TUSC3: variants seen among roughly 807,000 people sequenced by gnomAD.
The protein encoded by TUSC3 is tumor suppressor candidate 3.
A neutral mutation model predicts 44.8 loss-of-function variants in TUSC3; 45 were observed. The observed-to-expected ratio is 1.00, with a 90% confidence interval of 0.79 to 1.29. The LOEUF is 1.29. TUSC3 is among the 50% of genes most tolerant of loss of function. The pLI is 0.00. For missense variants in TUSC3, 519 were observed against 437.9 expected (o/e 1.19, Z -1.65); for synonymous variants, 212 against 152.9 (o/e 1.39, Z -2.85).
chr8:15,466,834 A>G (rs1257511731), intron 1 of TUSC3, among the ~76,000 whole-genome samples: 2 of 152,122 alleles, frequency 1.3e-5, no homozygotes, highest in Admixed American at 1.3e-4. Flanking sequence ...GATGGAGAGT[A>G]TGATTGTCAG....
chr8:15,588,750 A>C (rs1278458060), intron 1 of TUSC3, among the ~76,000 whole-genome samples: 1 of 152,122 alleles, frequency 6.6e-6, no homozygotes, highest in Non-Finnish European at 1.5e-5. Flanking sequence ...GACAGGGTCC[A>C]GTTCACTTTC....
intron 2 of TUSC3, among the ~76,000 whole-genome samples, chr8:15,501,865 A>T (rs1029265445): frequency 6.6e-6 from 1 of 152,228 alleles, no homozygotes; most frequent in Non-Finnish European, 1.5e-5. Context: ...ATTGTATTTG[A>T]AAAAGTATTT....
chr8:15,575,403 T>G (rs942319615), intron 1 of TUSC3, among the ~76,000 whole-genome samples: 1 of 152,180 alleles, frequency 6.6e-6, no homozygotes, highest in African/African-American at 2.4e-5. Context: ...AATATTAAAC[T>G]AAATATCTAA....
At chr8:15,725,522 C>G (rs1178791917) in intron 6 of TUSC3, among the ~76,000 whole-genome samples, 2 of 152,068 alleles carry the variant, frequency 1.3e-5, no homozygotes, top group African/African-American at 2.4e-5. Context: ...TGGGCATCAA[C>G]CAGTGGAGAT....
At chr8:15,607,634 C>T (rs1038292672) in intron 1 of TUSC3, among the ~76,000 whole-genome samples, 2 of 152,114 alleles carry the variant, frequency 1.3e-5, no homozygotes, top group East Asian at 3.9e-4. Flanking sequence ...CTAGATTCCA[C>T]AATTAACAAT....
intron 6 of TUSC3, among the ~76,000 whole-genome samples, chr8:15,685,410 C>G (rs573275987): frequency 4.6e-4 from 70 of 152,114 alleles, no homozygotes; most frequent in African/African-American, 1.7e-3. Context: ...AATCTTTATT[C>G]AGAGTGTGAT....
At chr8:15,470,568 C>A (rs1488744806) in intron 1 of TUSC3, among the ~76,000 whole-genome samples, 1 of 152,094 alleles carries the variant, frequency 6.6e-6, no homozygotes, top group South Asian at 2.1e-4. Flanking sequence ...TATGGGAATT[C>A]TTGTACTTTC....
chr8:15,838,108 C>G, the TUSC3 span, among the ~76,000 whole-genome samples: 1 of 152,148 alleles, frequency 6.6e-6, no homozygotes, highest in Non-Finnish European at 1.5e-5. Flanking sequence ...AATAGACCAC[C>G]TCCTGCGAAT....
At chr8:15,612,865 A>G (rs1446627994) in intron 1 of TUSC3, among the ~76,000 whole-genome samples, 1 of 152,018 alleles carries the variant, frequency 6.6e-6, no homozygotes, top group Non-Finnish European at 1.5e-5. Flanking sequence ...GACAAAGCCA[A>G]CCGATCACCC....
intron 7 of TUSC3, among the ~76,000 whole-genome samples, chr8:15,740,698 T>G (rs2129213028): frequency 6.6e-6 from 1 of 152,300 alleles, no homozygotes. Context: ...GAACTAACAT[T>G]GCTCATTTTA....
At chr8:15,540,619 G>C (rs750000442) in intron 1 of TUSC3, 51 bp downstream of exon 1, 1 of 1,487,150 alleles carries the variant, frequency 6.7e-7, no homozygotes, top group Non-Finnish European at 9.0e-7. Flanking sequence ...GGGCCAGGGT[G>C]GGCCGCGTTG....
chr8:15,556,007 T>G, intron 1 of TUSC3, among the ~76,000 whole-genome samples: 1 of 151,220 alleles, frequency 6.6e-6, no homozygotes, highest in East Asian at 2.0e-4. Flanking sequence ...TTTTATTTTT[T>G]ATTTTTTTTT....
At chr8:15,569,102 A>T (rs962031870) in intron 1 of TUSC3, among the ~76,000 whole-genome samples, 1 of 152,162 alleles carries the variant, frequency 6.6e-6, no homozygotes, top group African/African-American at 2.4e-5. Flanking sequence ...AATCAGTAAC[A>T]GTTTCCTTTA....
chr8:15,596,432 A>G (rs1284989226), intron 1 of TUSC3, among the ~76,000 whole-genome samples: 1 of 152,080 alleles, frequency 6.6e-6, no homozygotes, highest in East Asian at 1.9e-4. Context: ...TGGATGCAAA[A>G]CCTTTGCATA....
intron 2 of TUSC3, among the ~76,000 whole-genome samples, chr8:15,528,934 C>T (rs189398254): frequency 1.3e-4 from 20 of 152,228 alleles, no homozygotes; most frequent in African/African-American, 4.6e-4. Flanking sequence ...CAATAATGAC[C>T]TTTACCTTAC....
rs929891103 is a variant in TUSC3 at position 15,542,417 on chromosome 8, A to G, written c.138+1849A>G. Among the ~76,000 whole-genome samples, 13 of 152,014 alleles carry G rather than the reference A, an allele frequency of 8.6e-5. No individual in the cohort carries two copies. In the South Asian group the frequency reaches 2.1e-3, roughly 24 times the overall value. ...AGAATTCCAAGAAGAAGGAGGGTATAATGAGCATGTCTGGCTCACTTTTCC... is the reference window on the plus strand; with the variant it reads ...AGAATTCCAAGAAGAAGGAGGGTATGATGAGCATGTCTGGCTCACTTTTCC... On this transcript the variant is annotated intron_variant, in intron 1 of 10. Transcript: ENST00000503731.
intron 2 of TUSC3, among the ~76,000 whole-genome samples, chr8:15,494,320 CTT>C (rs71211045): frequency 2.2e-5 from 3 of 136,564 alleles, no homozygotes; most frequent in Admixed American, 1.5e-4. Context: ...CTCTCATCTT[CTT>C]TTTTTTTTTT....
chr8:15,633,180 T>A (rs745402965), intron 2 of TUSC3, among the ~76,000 whole-genome samples: 3 of 152,148 alleles, frequency 2.0e-5, no homozygotes, highest in Non-Finnish European at 2.9e-5. Context: ...CATTACGTGT[T>A]TTCTTCTCTC....
intron 1 of TUSC3, among the ~76,000 whole-genome samples, chr8:15,602,247 G>A (rs1035248403): frequency 6.6e-6 from 1 of 151,496 alleles, no homozygotes; most frequent in Non-Finnish European, 1.5e-5. Context: ...CTTCCTTTTT[G>A]AATAAATCTA....
Sources: allele counts gnomAD v4.1 joint callset (sites outside exome capture counted in the v4.1 genomes callset), GRCh38; gene constraint gnomAD v4.1.1; transcripts MANE v1.5; gene names NCBI Gene and HGNC (gene_info 2026-07-23, HGNC 2026-07-21).